Variants in TANC1 observed in about 807,000 individuals in gnomAD.
TANC1 encodes protein TANC1.
Under a neutral mutation model 149.7 loss-of-function variants are expected in TANC1, and 77 were observed. That is an observed-to-expected ratio of 0.51 (90% CI 0.43 to 0.62). The LOEUF (loss-of-function observed/expected upper bound fraction) is 0.62, where lower values mean the gene tolerates loss of function less well. TANC1 is among the 20% of genes least tolerant of loss of function. The pLI is 0.00. For synonymous variants in TANC1, 854 were observed against 925.0 expected, an observed-to-expected ratio of 0.92 and a Z score of 1.39; for missense variants, 1,985 against 2,321.8, an observed-to-expected ratio of 0.85 and a Z score of 2.98.
At chr2:159,149,069 G>C (rs2052475647) in intron 5 of TANC1, 73 bp from the exon 6 acceptor site, 3 of 1,491,034 alleles carry the variant, frequency 2.0e-6, no homozygotes, top group Admixed American at 2.2e-5. Context: ...AGCAGCTGTA[G>C]TGTGAACTCA....
At chr2:159,150,214 A>G (rs1019773232) in intron 6 of TANC1, 156 bp from the exon 7 acceptor site, 12 of 588,902 alleles carry the variant, frequency 2.0e-5, no homozygotes, top group African/African-American at 3.7e-5. Context: ...ATAAAGCTCC[A>G]TGAATCCATA....
At chr2:159,020,925 G>A (rs1266362627) in intron 2 of TANC1, among the ~76,000 whole-genome samples, 1 of 151,410 alleles carries the variant, frequency 6.6e-6, no homozygotes, top group African/African-American at 2.4e-5. Context: ...ATACCGTGGT[G>A]CTTCTACTTT....
intron 5 of TANC1, among the ~76,000 whole-genome samples, chr2:159,136,635 T>A (rs1325325337): frequency 6.6e-6 from 1 of 152,160 alleles, no homozygotes; most frequent in Non-Finnish European, 1.5e-5. Context: ...TTCTACTGCT[T>A]GAGAAAATTC....
chr2:158,975,322 C>T (rs894446766), intron 1 of TANC1, among the ~76,000 whole-genome samples: 4 of 152,042 alleles, frequency 2.6e-5, no homozygotes, highest in Non-Finnish European at 5.9e-5. Flanking sequence ...GTGCTTACTA[C>T]TATAATCCTG....
intron 7 of TANC1, among the ~76,000 whole-genome samples, chr2:159,159,717 TGAGAGA>T (rs56101796): frequency 0.089 from 10,178 of 114,806 alleles, 570 homozygotes; most frequent in Middle Eastern, 0.15. Flanking sequence ...TGTGTGTGTG[TGAGAGA>T]GAGAGAGAGA....
At chr2:159,101,648 A>AC (rs1186644608) in intron 4 of TANC1, among the ~76,000 whole-genome samples, 1 of 152,168 alleles carries the variant, frequency 6.6e-6, no homozygotes, top group Non-Finnish European at 1.5e-5. Context: ...TGGCAGTTGC[A>AC]AGTCTTTTTG....
chr2:159,131,575 C>T (rs1055357879), intron 4 of TANC1, among the ~76,000 whole-genome samples: 2 of 148,058 alleles, frequency 1.4e-5, no homozygotes, highest in Non-Finnish European at 1.5e-5. Context: ...TCCACTGCTC[C>T]TTGGCAATCT....
intron 4 of TANC1, among the ~76,000 whole-genome samples, chr2:159,133,894 T>C (rs2050369567): frequency 6.6e-6 from 1 of 152,232 alleles, no homozygotes; most frequent in South Asian, 2.1e-4. Context: ...TTGATAACAG[T>C]CTAGTTTAAG....
In TANC1 at chr2:159,219,360, A is replaced by G. The variant is rs1289535142; in HGVS notation, c.3501A>G (p.Lys1167=). The G allele has an allele frequency of 6.2e-7, 1 of 1,605,156 alleles. No homozygotes were observed. The highest frequency in any genetic ancestry group is 8.5e-7 in the Non-Finnish European group (1 of 1,174,264). Residue 1167 remains lysine (K), a splice_region_variant and synonymous_variant, in exon 21 of 27, where the codon AAA becomes AAG. Transcript: ENST00000263635. ...GCACCGTGGAATTCCTCCTTTCAAA[A>G]GGTAGCAGCGTGATGCCCTCAAAGG... ...HLSTVEFLLS[K]GAALSSLDKE...
chr2:159,057,202 A>C (rs2041918481), intron 2 of TANC1, among the ~76,000 whole-genome samples: 1 of 152,242 alleles, frequency 6.6e-6, no homozygotes, highest in Non-Finnish European at 1.5e-5. Flanking sequence ...GGCGTGAGCC[A>C]CCATGCCCAG....
intron 3 of TANC1, among the ~76,000 whole-genome samples, chr2:159,084,725 T>A (rs1416436447): frequency 1.3e-5 from 2 of 152,192 alleles, no homozygotes; most frequent in South Asian, 4.1e-4. Flanking sequence ...TTCCTGACAA[T>A]TATCACTCAG....
intron 5 of TANC1, among the ~76,000 whole-genome samples, chr2:159,137,319 A>G (rs2050865927): frequency 6.6e-6 from 1 of 152,180 alleles, no homozygotes. Context: ...ATAGCTAAAA[A>G]TGAGCTGTGA....
intron 5 of TANC1, among the ~76,000 whole-genome samples, chr2:159,142,539 T>G (rs2051491980): frequency 6.6e-6 from 1 of 152,226 alleles, no homozygotes; most frequent in South Asian, 2.1e-4. Context: ...TTTAATATTC[T>G]GTGTGATGAA....
intron 2 of TANC1, among the ~76,000 whole-genome samples, chr2:159,057,374 G>A (rs16843639): frequency 0.23 from 34,361 of 152,140 alleles, 4,886 homozygotes; most frequent in African/African-American, 0.4. Flanking sequence ...TTCCTCCTCT[G>A]TCAGTTGTAC....
At chr2:159,094,337 GT>G (rs1375526212) in intron 3 of TANC1, among the ~76,000 whole-genome samples, 1 of 152,206 alleles carries the variant, frequency 6.6e-6, no homozygotes, top group Non-Finnish European at 1.5e-5. Flanking sequence ...TTCTGGGGCT[GT>G]GGCCTCAGTG....
intron 3 of TANC1, among the ~76,000 whole-genome samples, chr2:159,095,642 A>G (rs2149895622): frequency 6.6e-6 from 1 of 150,980 alleles, no homozygotes; most frequent in Admixed American, 6.7e-5. Flanking sequence ...AGGCTGAAGC[A>G]GGAGAATCGC....
chr2:158,981,268 A>T (rs2034276765), intron 1 of TANC1, among the ~76,000 whole-genome samples: 1 of 151,330 alleles, frequency 6.6e-6, no homozygotes, highest in Non-Finnish European at 1.5e-5. Context: ...CCTGGGCAAC[A>T]CGGTGAGACC....
intron 1 of TANC1, among the ~76,000 whole-genome samples, chr2:158,996,662 T>C (rs1482932432): frequency 1.3e-5 from 2 of 152,236 alleles, no homozygotes; most frequent in African/African-American, 4.8e-5. Flanking sequence ...GTTGAATTAC[T>C]AAACATAGTA....
intron 14 of TANC1, among the ~76,000 whole-genome samples, chr2:159,185,418 G>A (rs185895777): frequency 1.4e-4 from 21 of 152,350 alleles, no homozygotes; most frequent in African/African-American, 4.8e-4. Context: ...TCCAAGCCTA[G>A]AATTCTCTGC....
Sources: gnomAD v4.1 joint callset for allele counts (sites outside exome capture counted in the v4.1 genomes callset) on GRCh38, gnomAD v4.1.1 for gene constraint, MANE v1.5 for transcripts, NCBI Gene and HGNC (gene_info 2026-07-23, HGNC 2026-07-21) for gene names.